The following MAP4K1 variants were observed in gnomAD, a reference collection of about 807,000 sequenced individuals.
MAP4K1 encodes mitogen-activated protein kinase kinase kinase kinase 1.
In MAP4K1, 35 loss-of-function variants were observed where a neutral mutation model predicts 122.8. That is an observed-to-expected ratio of 0.29 (90% confidence interval 0.22 to 0.38). The LOEUF (loss-of-function observed/expected upper bound fraction) is 0.38, where lower values mean the gene tolerates loss of function less well. MAP4K1 is among the 10% of genes least tolerant of loss of function. The pLI, the probability that MAP4K1 is intolerant of heterozygous loss-of-function variation, is 1.00. For missense variants in MAP4K1, 791 were observed against 1,072.6 expected, an observed-to-expected ratio of 0.74 and a Z score of 3.67; for synonymous variants, 412 against 421.3, an observed-to-expected ratio of 0.98 and a Z score of 0.27.
At chr19:38,590,983 A>G (rs528754908) in intron 30 of MAP4K1, among the ~76,000 whole-genome samples, 114 of 151,768 alleles carry the variant, frequency 7.5e-4, no homozygotes, top group African/African-American at 2.7e-3. Context: ...ACACACACAC[A>G]CACACACACA....
At chr19:38,614,314 G>A (rs759070880) in intron 5 of MAP4K1, 22 bp from the exon 6 acceptor site, 1 of 1,614,184 alleles carries the variant, frequency 6.2e-7, no homozygotes, top group South Asian at 1.1e-5. Flanking sequence ...GGTGGACAAG[G>A]GGACAGTGAG....
At chr19:38,600,389 G>C (rs1978444) in intron 20 of MAP4K1, among the ~76,000 whole-genome samples, 7,670 of 151,948 alleles carry the variant, frequency 0.05, 520 homozygotes, top group East Asian at 0.26. Context: ...TTTCTTCTCT[G>C]CCCAACTGTC....
chr19:38,606,686 A>G (rs1490062563), intron 16 of MAP4K1, among the ~76,000 whole-genome samples: 1 of 151,840 alleles, frequency 6.6e-6, no homozygotes, highest in Non-Finnish European at 1.5e-5. Context: ...GCAAGACCCC[A>G]TCCTACAAAA....
rs1437632792 is a variant in MAP4K1 at position 38,599,907 on chromosome 19, T to C, written c.1669+18A>G. 3.1e-6 allele frequency: 5 copies of C among 1,613,636 alleles called. No individual in the cohort carries two copies. The highest frequency in any genetic ancestry group is 3.4e-6 in the Non-Finnish European group (4 of 1,179,650). On this transcript the variant is annotated intron_variant, in intron 22 of 30. Coordinates refer to ENST00000396857, the MANE Select transcript of MAP4K1 (RefSeq NM_001042600.3). ...CCTTAACTTCCGACCCCATCCCACC[T>C]GCTACCCACAGCCAGACCTGAGAGA... is the stretch of plus-strand genomic sequence containing the variant.
chr19:38,594,959 A>ATCTATCTG (rs1974826980), intron 29 of MAP4K1, among the ~76,000 whole-genome samples: 1 of 11,812 alleles, frequency 8.5e-5, no homozygotes, highest in Admixed American at 6.9e-4. Flanking sequence ...AATAAATTTT[A>ATCTATCTG]TCTATCTATC....
intron 19 of MAP4K1, among the ~76,000 whole-genome samples, chr19:38,603,158 GTATACATATATACACA>G (rs1975190523): frequency 9.6e-6 from 1 of 104,406 alleles, no homozygotes; most frequent in Non-Finnish European, 2.0e-5. Flanking sequence ...ACATATACAT[GTATACATATATACACA>G]TGTACATATA....
At chr19:38,609,349 C>T (rs770670730) in intron 13 of MAP4K1, among the ~76,000 whole-genome samples, 1 of 152,038 alleles carries the variant, frequency 6.6e-6, no homozygotes, top group African/African-American at 2.4e-5. Flanking sequence ...TACCCAGGCT[C>T]GTCTTGACAT....
chr19:38,605,086 T>TA (rs762922462), intron 19 of MAP4K1, among the ~76,000 whole-genome samples: 366 of 124,714 alleles, frequency 2.9e-3, no homozygotes, highest in Middle Eastern at 7.8e-3. Context: ...ACTCCGTCTT[T>TA]AAAAAAAAAA....
In MAP4K1 at chr19:38,595,997, G is replaced by A; in HGVS notation, c.2121C>T (p.His707=). ...SCWLGEMSTE[H]RGPVQVTQVE... ...CCTGGGTCACCTGCACGGGTCCCCT[G>A]TGCTCTGTTTGGGGGGAGTGGGTTA... The change falls in exon 27 of 31, where the codon CAC becomes CAT. Residue 707 remains histidine, a synonymous_variant. Transcript: ENST00000396857. 1.9e-6 allele frequency: 3 copies of A among 1,613,964 alleles called. No homozygotes were observed. Among genetic ancestry groups the A allele is most frequent in the Non-Finnish European group, 2.5e-6 (3 of 1,179,952 alleles).
At chr19:38,602,399 C>T (rs2144715731) in intron 19 of MAP4K1, among the ~76,000 whole-genome samples, 1 of 148,250 alleles carries the variant, frequency 6.7e-6, no homozygotes, top group Admixed American at 7.0e-5. Flanking sequence ...TACACATATA[C>T]ATATATATAT....
At position 38,595,518 on chromosome 19, in the gene MAP4K1, A is replaced by G. The variant is rs1425798629; in HGVS notation, c.2307T>C (p.His769=). The change falls in exon 29 of 31, where the codon CAT becomes CAC. Residue 769 remains histidine, a synonymous_variant. Coordinates refer to ENST00000396857, the MANE Select transcript of MAP4K1 (RefSeq NM_001042600.3). ...AGCCTAGAGCCCACACCTGCACTCC[A>G]TGCTTCCAGAAGGCCTGAAGCTGAC... ...VGGQLQAFWK[H]GVQVWALGSD... is the part of the protein sequence containing the mutation. The G allele has an allele frequency of 3.7e-5, 60 of 1,614,076 alleles. No homozygotes were observed. The highest frequency in any genetic ancestry group is 4.9e-5 in the Non-Finnish European group (58 of 1,180,016).
chr19:38,614,126 C>CCCAGCCCAGTG, intron 6 of MAP4K1, 41 bp from the exon 7 acceptor site: 3 of 1,612,260 alleles, frequency 1.9e-6, no homozygotes, highest in African/African-American at 2.7e-5. Context: ...AGAGACTCTC[C>CCCAGCCCAGTG]CCAGCCCAGT....
chr19:38,602,798 A>ATACATATATACATATATACACATG (rs1975138792), intron 19 of MAP4K1, among the ~76,000 whole-genome samples: 1 of 105,202 alleles, frequency 9.5e-6, no homozygotes, highest in Non-Finnish European at 1.9e-5. Flanking sequence ...ATATACACAC[A>ATACATATATACATATATACACATG]TACATATATA....
intron 25 of MAP4K1, among the ~76,000 whole-genome samples, 161 bp from the exon 26 acceptor site, chr19:38,596,647 C>G (rs1974896487): frequency 6.6e-6 from 1 of 152,108 alleles, no homozygotes; most frequent in Non-Finnish European, 1.5e-5. Context: ...TCCGCGGGAA[C>G]GGGGGTCGTG....
At chr19:38,613,662 T>C (rs2144741359) in intron 8 of MAP4K1, among the ~76,000 whole-genome samples, 1 of 150,170 alleles carries the variant, frequency 6.7e-6, no homozygotes, top group South Asian at 2.1e-4. Flanking sequence ...GAAATCAAGA[T>C]AAAAATCAAC....
intron 30 of MAP4K1, among the ~76,000 whole-genome samples, chr19:38,588,714 T>C (rs1381453583): frequency 6.8e-6 from 1 of 147,664 alleles, no homozygotes; most frequent in Non-Finnish European, 1.5e-5. Flanking sequence ...ATAGCGCCAG[T>C]GCACTCCAGC....
intron 30 of MAP4K1, among the ~76,000 whole-genome samples, chr19:38,588,312 G>C (rs1020271488): frequency 1.3e-4 from 20 of 152,098 alleles, no homozygotes; most frequent in African/African-American, 4.8e-4. Context: ...GATTTAAAGT[G>C]ACCCTTCTGG....
intron 9 of MAP4K1, 147 bp from the exon 10 acceptor site, chr19:38,611,452 G>A (rs1332564051): frequency 1.5e-6 from 1 of 655,920 alleles, no homozygotes. Flanking sequence ...AGTGCACCAG[G>A]GTGCCTCTCC....
chr19:38,590,395 ATATATATATATAT>A (rs1286593334), intron 30 of MAP4K1, among the ~76,000 whole-genome samples: 5 of 19,482 alleles, frequency 2.6e-4, no homozygotes, highest in African/African-American at 1.2e-3. Flanking sequence ...AAAAAAAAAA[ATATATATATATAT>A]ATATATATAT....
Sources: allele counts gnomAD v4.1 joint callset (sites outside exome capture counted in the v4.1 genomes callset), GRCh38; gene constraint gnomAD v4.1.1; transcripts MANE v1.5; gene names NCBI Gene and HGNC (gene_info 2026-07-23, HGNC 2026-07-21).